The following AGAP1 variants were observed in gnomAD, a reference collection of about 807,000 sequenced individuals.
AGAP1 encodes arf-GAP with GTPase, ANK repeat and PH domain-containing protein 1.
In AGAP1, 29 loss-of-function variants were observed where a neutral mutation model predicts 105.3. That is an observed-to-expected ratio of 0.28 (90% CI 0.21 to 0.38). The LOEUF (loss-of-function observed/expected upper bound fraction) is 0.38, where lower values mean the gene tolerates loss of function less well. Among genes scored for constraint, AGAP1 ranks in the 10% least tolerant of loss-of-function variants. The pLI is 1.00. For missense variants in AGAP1, 998 were observed against 1,165.1 expected, an observed-to-expected ratio of 0.86 and a Z score of 2.09; for synonymous variants, 509 against 485.9, an observed-to-expected ratio of 1.05 and a Z score of -0.63.
In AGAP1 at chr2:236,113,233, C is replaced by T. The variant is rs1030072170; in HGVS notation, c.2115-6959C>T. Among the ~76,000 whole-genome samples, 8 of 151,936 alleles carry T rather than the reference C, an allele frequency of 5.3e-5. No individual in the cohort carries two copies. Among genetic ancestry groups the T allele is most frequent in the African/African-American group, 1.9e-4 (8 of 41,350 alleles). On this transcript the variant is annotated intron_variant, in intron 16 of 17. Transcript: ENST00000304032. The surrounding 1 kb of genome is among the most constrained non-coding windows in gnomAD (Gnocchi z 4.3). ...TCAACTCACTGCAACCTCCGCCTCC[C>T]GGGTTCAAGCAATTCTCTGCCTCAG...
chr2:235,786,011 A>G (rs532755030), intron 6 of AGAP1, among the ~76,000 whole-genome samples: 7 of 152,286 alleles, frequency 4.6e-5, no homozygotes, highest in African/African-American at 1.7e-4. Context: ...GTGAGCCTTC[A>G]CCTTCAGGGG....
In AGAP1 at chr2:235,875,738, G is replaced by A. The variant is rs965088281; in HGVS notation, c.1051-7607G>A. On this transcript the variant is annotated intron_variant, in intron 9 of 17. Transcript: ENST00000304032. The surrounding 1 kb of genome is among the most constrained non-coding windows in gnomAD (Gnocchi z 4.0). ...ACTTGGAGACTTGTGTGTTAGTTGT[G>A]CACAGATACCTACACTTCCCACTGC... is the stretch of plus-strand genomic sequence containing the variant. Among the ~76,000 whole-genome samples the A allele has an allele frequency of 1.3e-5, 2 of 152,050 alleles. No homozygotes were observed. Among genetic ancestry groups the A allele is most frequent in the East Asian group, 3.8e-4 (2 of 5,196 alleles).
Position 235,622,054 on chromosome 2 carries a change from T to C in AGAP1, c.164-87125T>C, listed in dbSNP as rs1444317708. Among the ~76,000 whole-genome samples, 4 of 152,262 alleles carry C rather than the reference T, an allele frequency of 2.6e-5. No homozygotes were observed. The highest frequency in any genetic ancestry group is 3.2e-3 in the Middle Eastern group (1 of 316). On this transcript the variant is annotated intron_variant, in intron 1 of 17. Transcript: ENST00000304032. The surrounding 1 kb of genome is among the most constrained non-coding windows in gnomAD (Gnocchi z 5.0). ...TGCTACTGTCCAACCTAAGCTCATATTCAACACTTTAGAATGCCTTAATCT... is the reference window on the plus strand; with the variant it reads ...TGCTACTGTCCAACCTAAGCTCATACTCAACACTTTAGAATGCCTTAATCT...
intron 16 of AGAP1, among the ~76,000 whole-genome samples, chr2:236,110,900 A>AGAG (rs1210225970): frequency 1.3e-5 from 2 of 152,338 alleles, no homozygotes; most frequent in East Asian, 3.9e-4. Context: ...AGTCCAAGAT[A>AGAG]GAGGCACCGG....
intron 1 of AGAP1, among the ~76,000 whole-genome samples, chr2:235,624,358 C>T (rs1041511467): frequency 1.3e-5 from 2 of 152,134 alleles, no homozygotes; most frequent in African/African-American, 4.8e-5. Flanking sequence ...GATCTCTTTC[C>T]TCCGCTACTT....
Position 235,865,636 on chromosome 2 carries a change from C to A in AGAP1, c.1051-17709C>A, listed in dbSNP as rs1384188881. Among the ~76,000 whole-genome samples, 1 of 152,046 alleles carries A rather than the reference C, an allele frequency of 6.6e-6. No homozygotes were observed. Among genetic ancestry groups the A allele is most frequent in the African/African-American group, 2.4e-5 (1 of 41,394 alleles). On this transcript the variant is annotated intron_variant, in intron 9 of 17. Transcript: ENST00000304032. This position sits in a 1 kb window ranked among gnomAD's most constrained non-coding sequence, Gnocchi z 6.2. ...TACAGAAGGAGCTGCAGAAAAGCCT[C>A]CATTTGTAAAATAATAGGTGCTCTG...
chr2:235,843,126 C>T lies in AGAP1; in HGVS notation c.1050+35795C>T, dbSNP rs939993470. ...CCCTTGTCGGTTTTTCACCCTGCAG[C>T]CCTTTGAGACCAAATCTGCCTGTGA... On this transcript the variant is annotated intron_variant, in intron 9 of 17. Transcript: ENST00000304032. This position sits in a 1 kb window ranked among gnomAD's most constrained non-coding sequence, Gnocchi z 5.9. Among the ~76,000 whole-genome samples, 4 of 152,176 alleles carry T rather than the reference C, an allele frequency of 2.6e-5. No homozygotes were observed. The highest frequency in any genetic ancestry group is 5.9e-5 in the Non-Finnish European group (4 of 68,048).
intron 16 of AGAP1, among the ~76,000 whole-genome samples, chr2:236,093,472 C>G (rs1473067681): frequency 6.6e-6 from 1 of 152,150 alleles, no homozygotes; most frequent in Non-Finnish European, 1.5e-5. Flanking sequence ...TATTTTGACC[C>G]AAATGGAATC....
intron 1 of AGAP1, among the ~76,000 whole-genome samples, chr2:235,702,294 T>C (rs989579863): frequency 2.0e-5 from 3 of 152,210 alleles, no homozygotes; most frequent in Non-Finnish European, 2.9e-5. Flanking sequence ...GATGGCTGTC[T>C]TAATGAAGAT....
intron 1 of AGAP1, among the ~76,000 whole-genome samples, chr2:235,638,388 G>T (rs35454233): frequency 6.6e-6 from 1 of 152,088 alleles, no homozygotes; most frequent in African/African-American, 2.4e-5. Context: ...GCACAGGGTG[G>T]CTGCTCTGTA....
chr2:235,703,374 C>T (rs908394607), intron 1 of AGAP1, among the ~76,000 whole-genome samples: 3 of 152,138 alleles, frequency 2.0e-5, no homozygotes, highest in African/African-American at 7.2e-5. Context: ...CCTCCCCCGG[C>T]TGTGGCACCT....
intron 6 of AGAP1, among the ~76,000 whole-genome samples, chr2:235,755,081 T>C (rs2149739609): frequency 6.6e-6 from 1 of 152,000 alleles, no homozygotes; most frequent in Admixed American, 6.5e-5. Flanking sequence ...AGCAGAGCCC[T>C]GGGGAAGGGA....
chr2:235,988,539 C>T lies in AGAP1; in HGVS notation c.1645+19916C>T, dbSNP rs938894780. Among the ~76,000 whole-genome samples the T allele has an allele frequency of 6.6e-6, 1 of 152,042 alleles. No individual in the cohort carries two copies. Among genetic ancestry groups the T allele is most frequent in the Non-Finnish European group, 1.5e-5 (1 of 68,026 alleles). On this transcript the variant is annotated intron_variant, in intron 13 of 17. Transcript: ENST00000304032. The surrounding 1 kb of genome is among the most constrained non-coding windows in gnomAD (Gnocchi z 4.7). ...TGGCAGGTATGGCTGTTTTTCTGAG[C>T]AGTAGGTACTTAGTCAAGGCATGCA...
At chr2:235,937,516 A>C (rs2053049883) in intron 12 of AGAP1, among the ~76,000 whole-genome samples, 1 of 152,260 alleles carries the variant, frequency 6.6e-6, no homozygotes, top group African/African-American at 2.4e-5. Flanking sequence ...GAACAGGGGC[A>C]GCACATTTCA....
intron 1 of AGAP1, among the ~76,000 whole-genome samples, chr2:235,509,763 G>A (rs1470516109): frequency 6.6e-6 from 1 of 152,104 alleles, no homozygotes; most frequent in African/African-American, 2.4e-5. Context: ...ATAAGATCAT[G>A]CATTAAAAAG....
chr2:236,029,309 C>G (rs540674343), intron 13 of AGAP1, among the ~76,000 whole-genome samples: 1 of 150,796 alleles, frequency 6.6e-6, no homozygotes, highest in South Asian at 2.1e-4. Context: ...GAAGTCTTTC[C>G]TTGTCACCCA....
At chr2:235,674,262 G>T (rs1004415714) in intron 1 of AGAP1, among the ~76,000 whole-genome samples, 1 of 152,352 alleles carries the variant, frequency 6.6e-6, no homozygotes, top group African/African-American at 2.4e-5. Flanking sequence ...AAGACCCTGT[G>T]TCAGATCAAG....
chr2:235,724,297 C>T lies in AGAP1; in HGVS notation c.310+6653C>T, dbSNP rs1192362526. Reference sequence around the variant, plus strand: ...GCTGGTAAAGGCTGTGCCGGCCCTGCCTCCCTCCCAGAAGGGCGACCCTCC... The same window carrying T: ...GCTGGTAAAGGCTGTGCCGGCCCTGTCTCCCTCCCAGAAGGGCGACCCTCC... On this transcript the variant is annotated intron_variant, in intron 3 of 17. Coordinates refer to ENST00000304032, the MANE Select transcript of AGAP1 (RefSeq NM_001037131.3). This position sits in a 1 kb window ranked among gnomAD's most constrained non-coding sequence, Gnocchi z 4.9. Among the ~76,000 whole-genome samples, 1 of 152,234 alleles carries T rather than the reference C, an allele frequency of 6.6e-6. No homozygotes were observed. Among genetic ancestry groups the T allele is most frequent in the Non-Finnish European group, 1.5e-5 (1 of 68,038 alleles).
rs571668549 is a variant in AGAP1, at chr2:236,101,578, C to T, written c.2115-18614C>T. Among the ~76,000 whole-genome samples, 6 of 152,290 alleles carry T rather than the reference C, an allele frequency of 3.9e-5. No homozygotes were observed. The highest frequency in any genetic ancestry group is 8.8e-5 in the Non-Finnish European group (6 of 68,024). On this transcript the variant is annotated intron_variant, in intron 16 of 17. Transcript: ENST00000304032. This position sits in a 1 kb window ranked among gnomAD's most constrained non-coding sequence, Gnocchi z 4.9. ...CCTCTCCCTGGTGTTTAAAGGGCGT[C>T]GGTGCACGTACAGCGAGGGCTTACA...
Sources: gnomAD v4.1 joint callset for allele counts (sites outside exome capture counted in the v4.1 genomes callset) on GRCh38, gnomAD v4.1.1 for gene constraint, Gnocchi (gnomAD v3.1) non-coding constraint, MANE v1.5 for transcripts, NCBI Gene and HGNC (gene_info 2026-07-23, HGNC 2026-07-21) for gene names.